The following GDAP1 variants were observed in gnomAD, a reference collection of about 807,000 sequenced individuals.
GDAP1 encodes the protein ganglioside-induced differentiation-associated protein 1.
A neutral mutation model predicts 40.1 loss-of-function variants in GDAP1; 34 were observed. That is an observed-to-expected ratio of 0.85 (90% confidence interval 0.64 to 1.13). GDAP1 has a LOEUF of 1.13. Among genes scored for constraint, GDAP1 ranks in the 50% most tolerant of loss-of-function variants. The pLI is 0.00. For missense variants in GDAP1, 374 were observed against 433.7 expected (o/e 0.86, Z 1.22); for synonymous variants, 170 against 157.4 (o/e 1.08, Z -0.60).
chr8:74,371,754 T>G (rs1809755324), downstream of GDAP1, among the ~76,000 whole-genome samples: 1 of 146,940 alleles, frequency 6.8e-6, no homozygotes, highest in African/African-American at 2.5e-5. Flanking sequence ...GGGAAATTTA[T>G]AGTTTGTTAA....
At chr8:74,396,309 T>C (rs1320817834) in intron 2 of GDAP1, among the ~76,000 whole-genome samples, 1 of 151,764 alleles carries the variant, frequency 6.6e-6, no homozygotes, top group Non-Finnish European at 1.5e-5. Flanking sequence ...AAAAAGCTTT[T>C]ATTTTTATTT....
rs563865282 is a variant in GDAP1 at position 74,363,198 on chromosome 8, A to G, written c.694+145A>G. ...TTTTAATTATGATAGCAATAATGAT[A>G]TTGCACCCAGAAAAACCCAGGTGTC... On this transcript the variant is annotated intron_variant, in intron 5 of 5. Transcript: ENST00000220822. 15 of 598,732 alleles carry G rather than the reference A, an allele frequency of 2.5e-5. No homozygotes were observed. In the South Asian group the frequency reaches 3.2e-4, roughly 13 times the overall value. 37.1% of individuals were successfully genotyped at this position (598,732 alleles called of 1,614,324 possible).
rs748292572 is a variant in GDAP1, at chr8:74,365,274, A to C, written c.*907A>C. On this transcript the variant is annotated 3_prime_UTR_variant, in exon 6 of 6. Transcript: ENST00000220822. ...ACAAAAATTGTTGTCCAGATCTTTC[A>C]TCTGTTTATGATCATCAACAAAGAC... is the stretch of plus-strand genomic sequence containing the variant. 1 of 454,124 alleles carries C rather than the reference A, an allele frequency of 2.2e-6. No homozygotes were observed. The highest frequency in any genetic ancestry group is 2.3e-5 in the Admixed American group (1 of 42,574). The allele number at this position is 454,124 out of a possible 1,614,324, so 28.1% of individuals were successfully genotyped here. A position where few individuals can be genotyped will look rare whatever the true frequency, so the allele number is the denominator to read the frequency against.
chr8:74,483,704 T>C (rs75995711), intron 2 of GDAP1, among the ~76,000 whole-genome samples: 8,262 of 152,250 alleles, frequency 0.054, 304 homozygotes, highest in East Asian at 0.086. Context: ...TGAAATGGTA[T>C]TATATATTGG....
intron 2 of GDAP1, among the ~76,000 whole-genome samples, chr8:74,467,248 G>A (rs1000752047): frequency 2.0e-5 from 3 of 152,268 alleles, no homozygotes; most frequent in African/African-American, 2.4e-5. Flanking sequence ...AAATGGAATA[G>A]GTTAATCATA....
chr8:74,450,823 G>GCA (rs1216257264), intron 2 of GDAP1, among the ~76,000 whole-genome samples: 9 of 534 alleles, frequency 0.017, 3 homozygotes, highest in African/African-American at 0.079. Flanking sequence ...TTTGAATAAT[G>GCA]TATTTTTTTT....
At chr8:74,443,658 C>G (rs1267787410) in intron 2 of GDAP1, among the ~76,000 whole-genome samples, 1 of 152,098 alleles carries the variant, frequency 6.6e-6, no homozygotes, top group Non-Finnish European at 1.5e-5. Context: ...ATCCAGACTT[C>G]TAAGATTGAT....
At chr8:74,351,216 G>T in intron 1 of GDAP1, 58 bp from the exon 2 acceptor site, 2 of 1,396,852 alleles carry the variant, frequency 1.4e-6, no homozygotes, top group South Asian at 2.3e-5. Flanking sequence ...CGGTGTCCAG[G>T]GAAGTCATTT....
At chr8:74,459,571 C>T (rs1806376034) in intron 2 of GDAP1, among the ~76,000 whole-genome samples, 1 of 152,036 alleles carries the variant, frequency 6.6e-6, no homozygotes, top group Non-Finnish European at 1.5e-5. Context: ...CAGGGTGAAT[C>T]AGGGTTTGTG....
At chr8:74,471,013 A>C (rs1806546191) in intron 2 of GDAP1, among the ~76,000 whole-genome samples, 1 of 152,024 alleles carries the variant, frequency 6.6e-6, no homozygotes, top group Non-Finnish European at 1.5e-5. Context: ...GATGATGAGC[A>C]TTTTTTCATG....
intron 2 of GDAP1, among the ~76,000 whole-genome samples, chr8:74,427,624 G>GC (rs2131562920): frequency 6.6e-6 from 1 of 152,156 alleles, no homozygotes; most frequent in African/African-American, 2.4e-5. Flanking sequence ...ACCCTGAGAG[G>GC]CTTTTTTTGA....
intron 2 of GDAP1, among the ~76,000 whole-genome samples, chr8:74,482,496 G>A (rs533514064): frequency 6.6e-6 from 1 of 151,792 alleles, no homozygotes; most frequent in Non-Finnish European, 1.5e-5. Flanking sequence ...GTGTTATGTG[G>A]CATGGTTAAA....
rs139009942 is a variant in GDAP1, at chr8:74,421,181, T to C, written c.166-67497T>C. On this transcript the variant is annotated intron_variant, in intron 2 of 2. Coordinates refer to the GDAP1 transcript ENST00000523640. Reference sequence around the variant, plus strand: ...AAACATTGACCAAGCTTCTGATCTGTGCAGAGGCAAGGAGGCAGTAATAAA... The same window carrying C: ...AAACATTGACCAAGCTTCTGATCTGCGCAGAGGCAAGGAGGCAGTAATAAA... Among the ~76,000 whole-genome samples the C allele has an allele frequency of 5.5e-3, 839 of 152,318 alleles. 9 individuals carry two copies. Among genetic ancestry groups the C allele is most frequent in the African/African-American group, 0.019 (779 of 41,580 alleles).
intron 2 of GDAP1, among the ~76,000 whole-genome samples, chr8:74,470,359 T>C (rs1456066499): frequency 6.6e-6 from 1 of 152,132 alleles, no homozygotes; most frequent in Non-Finnish European, 1.5e-5. Context: ...CCCATTAACT[T>C]TTCATTTAAC....
At chr8:74,411,215 G>T (rs1332253928) in intron 2 of GDAP1, among the ~76,000 whole-genome samples, 1 of 149,890 alleles carries the variant, frequency 6.7e-6, no homozygotes, top group Non-Finnish European at 1.5e-5. Context: ...TTTATAAATT[G>T]CCCAGTCTCA....
At chr8:74,398,271 GA>G (rs1356047293) in intron 2 of GDAP1, among the ~76,000 whole-genome samples, 1 of 152,044 alleles carries the variant, frequency 6.6e-6, no homozygotes, top group Admixed American at 6.6e-5. Flanking sequence ...TGTTTTATCT[GA>G]GACTAGGATT....
chr8:74,416,548 A>G (rs1213539460), intron 2 of GDAP1, among the ~76,000 whole-genome samples: 2 of 150,250 alleles, frequency 1.3e-5, no homozygotes, highest in Admixed American at 6.6e-5. Context: ...TACTACTACA[A>G]CTGGCATTTC....
In GDAP1 at chr8:74,351,311, A is replaced by G; in HGVS notation, c.155A>G (p.Glu52Gly). 1 of 1,614,188 alleles carries G rather than the reference A, an allele frequency of 6.2e-7. No individual in the cohort carries two copies. The highest frequency in any genetic ancestry group is 8.5e-7 in the Non-Finnish European group (1 of 1,179,988). ...LVIAEKALKC[E>G]EHDVSLPLSE... The stretch of plus-strand genomic sequence containing the variant: ...ATTGCTGAAAAGGCATTGAAGTGCG[A>G]GGAACATGATGTAAGTCTGCCCTTG... Residue 52 changes from glutamate to glycine, a missense_variant, in exon 2 of 6, where the codon GAG (glutamate) becomes GGG (glycine). Physicochemically the swap from Glu to Gly is moderately conservative, Grantham distance 98. Transcript: ENST00000220822.
intron 2 of GDAP1, among the ~76,000 whole-genome samples, chr8:74,422,649 A>G (rs1294476245): frequency 6.6e-6 from 1 of 151,680 alleles, no homozygotes; most frequent in Non-Finnish European, 1.5e-5. Context: ...TCTTTATATG[A>G]TTGACTCATT....
Sources: gnomAD v4.1 joint callset for allele counts (sites outside exome capture counted in the v4.1 genomes callset) on GRCh38, gnomAD v4.1.1 for gene constraint, MANE v1.5 for transcripts, NCBI Gene and HGNC (gene_info 2026-07-23, HGNC 2026-07-21) for gene names.